PCDH9: variants seen among roughly 807,000 people sequenced by gnomAD.
PCDH9 encodes the protein protocadherin 9, also known as protocadherin-9.
In PCDH9, 24 loss-of-function variants were observed where a neutral mutation model predicts 70.6. The observed-to-expected ratio is 0.34, with a 90% CI of 0.25 to 0.48. The LOEUF (loss-of-function observed/expected upper bound fraction) is 0.48. PCDH9 is among the 20% of genes least tolerant of loss of function. The probability of loss-of-function intolerance (pLI) is 0.99; values close to 1 mark genes in which losing one functional copy is unlikely to be tolerated. For missense variants in PCDH9, 1,281 were observed against 1,503.6 expected, an observed-to-expected ratio of 0.85 and a Z score of 2.45; for synonymous variants, 562 against 558.5, an observed-to-expected ratio of 1.01 and a Z score of -0.09.
At chr13:66,858,051 A>T (rs1209309131) in intron 3 of PCDH9, among the ~76,000 whole-genome samples, 1 of 152,146 alleles carries the variant, frequency 6.6e-6, no homozygotes, top group Non-Finnish European at 1.5e-5. Flanking sequence ...CAAATTAGTT[A>T]ATGTGCCTTT....
intron 2 of PCDH9, chr13:67,213,206 CAAAAAAAAAAAAAAA>C (rs34813503): frequency 2.9e-4 from 6 of 20,540 alleles, no homozygotes; most frequent in East Asian, 1.4e-3. Context: ...GACTCCGTCA[CAAAAAAAAAAAAAAA>C]AAAAAAAAAA....
intron 4 of PCDH9, among the ~76,000 whole-genome samples, chr13:66,453,511 A>G (rs979190457): frequency 2.8e-5 from 4 of 141,874 alleles, no homozygotes; most frequent in African/African-American, 1.0e-4. Context: ...TTAAAGGCAG[A>G]CTTGTTCTTT....
At chr13:67,055,197 G>A (rs2085394835) in intron 2 of PCDH9, among the ~76,000 whole-genome samples, 1 of 152,120 alleles carries the variant, frequency 6.6e-6, no homozygotes, top group South Asian at 2.1e-4. Context: ...TATTTGCTAT[G>A]TGAGTTTTGA....
intron 2 of PCDH9, among the ~76,000 whole-genome samples, chr13:67,137,721 A>T (rs2087268652): frequency 6.6e-6 from 1 of 152,168 alleles, no homozygotes; most frequent in South Asian, 2.1e-4. Flanking sequence ...TACAGAAATA[A>T]AAGGAAATTC....
chr13:66,628,800 T>C (rs535350127), intron 4 of PCDH9, among the ~76,000 whole-genome samples: 1 of 152,358 alleles, frequency 6.6e-6, no homozygotes, highest in Non-Finnish European at 1.5e-5. Context: ...GCTGCTATGA[T>C]AGTGAAGGTA....
At chr13:66,605,000 T>C (rs1348117223) in intron 4 of PCDH9, among the ~76,000 whole-genome samples, 1 of 152,042 alleles carries the variant, frequency 6.6e-6, no homozygotes, top group Non-Finnish European at 1.5e-5. Flanking sequence ...TGGGAGAAAG[T>C]GAGACATCAG....
chr13:66,934,906 G>C lies in PCDH9; in HGVS notation c.3037-31301C>G, dbSNP rs1489128077. Among the ~76,000 whole-genome samples the C allele has an allele frequency of 4.0e-5, 6 of 149,380 alleles. No individual in the cohort carries two copies. In the East Asian group the frequency reaches 1.2e-3, roughly 30 times the overall value. ...CGGCTAATTTTTTGTATTTTTAGTA[G>C]AGACGGGGTTTCACCGTGTTAGCCA... On this transcript the variant is annotated intron_variant, in intron 2 of 4. Coordinates refer to ENST00000377865, the MANE Select transcript of PCDH9 (RefSeq NM_203487.3).
chr13:67,090,858 C>T lies in PCDH9; in HGVS notation c.3036+134547G>A, dbSNP rs1221425103. On this transcript the variant is annotated intron_variant, in intron 2 of 4. Transcript: ENST00000377865. ...TATTTTGTAGATGAAGAAACGGTGT[C>T]GCAGGTTACAGTTTAAATGACTTCA... 3.9e-5 allele frequency among the ~76,000 whole-genome samples: 6 copies of T among 151,982 alleles called. No homozygotes were observed. In the East Asian group the frequency reaches 7.7e-4, roughly 20 times the overall value.
At chr13:66,828,717 A>G (rs2139400717) in intron 3 of PCDH9, among the ~76,000 whole-genome samples, 1 of 152,246 alleles carries the variant, frequency 6.6e-6, no homozygotes, top group African/African-American at 2.4e-5. Flanking sequence ...ATAGAATAAC[A>G]AAAACATTTC....
intron 2 of PCDH9, among the ~76,000 whole-genome samples, chr13:67,047,742 A>T (rs2085250350): frequency 1.3e-5 from 2 of 152,196 alleles, no homozygotes; most frequent in African/African-American, 2.4e-5. Flanking sequence ...TTGTATTCTA[A>T]TATATGCTTA....
rs376953194 is a variant in PCDH9, at chr13:67,214,404, C to A, written c.3036+11001G>T. ...ACCAGCAGGTTTCAAATGATTCCAG[C>A]TGTGTTAAGTACTGACTGTGAAACA... On this transcript the variant is annotated intron_variant, in intron 2 of 4. Coordinates refer to ENST00000377865, the MANE Select transcript of PCDH9 (RefSeq NM_203487.3). The A allele has an allele frequency of 2.0e-5, 3 of 152,102 alleles. No homozygotes were observed. In the South Asian group the frequency reaches 6.2e-4, roughly 32 times the overall value. The allele number at this position is 152,102 out of a possible 1,614,324, so 9.4% of individuals were successfully genotyped here. A position where few individuals can be genotyped will look rare whatever the true frequency, so the allele number is the denominator to read the frequency against.
At chr13:66,452,067 G>A (rs1034934727) in intron 4 of PCDH9, among the ~76,000 whole-genome samples, 1 of 152,094 alleles carries the variant, frequency 6.6e-6, no homozygotes, top group Admixed American at 6.6e-5. Context: ...ATCCTATGAA[G>A]TATGTGAACA....
At chr13:66,986,590 G>A (rs2083896038) in intron 2 of PCDH9, among the ~76,000 whole-genome samples, 1 of 151,844 alleles carries the variant, frequency 6.6e-6, no homozygotes, top group East Asian at 1.9e-4. Flanking sequence ...GGAGAAGAAT[G>A]ACATAGATAT....
intron 4 of PCDH9, among the ~76,000 whole-genome samples, chr13:66,396,646 T>A (rs968350059): frequency 3.9e-5 from 6 of 152,270 alleles, no homozygotes; most frequent in Admixed American, 6.5e-5. Context: ...TCTGTTGCAG[T>A]GGGACATGGG....
chr13:66,750,609 C>T (rs1043269910), intron 3 of PCDH9, among the ~76,000 whole-genome samples: 2 of 151,834 alleles, frequency 1.3e-5, no homozygotes, highest in African/African-American at 4.8e-5. Context: ...ATCATAAAAG[C>T]ATAAATTAGA....
intron 3 of PCDH9, among the ~76,000 whole-genome samples, chr13:66,636,222 T>C (rs2077635159): frequency 6.6e-6 from 1 of 152,166 alleles, no homozygotes; most frequent in South Asian, 2.1e-4. Flanking sequence ...ATCTTTGTAA[T>C]AATAAAACAT....
rs1231351131 is a variant in PCDH9 at position 66,700,942 on chromosome 13, A to G, written c.3139-69531T>C. On this transcript the variant is annotated intron_variant, in intron 3 of 4. Transcript: ENST00000377865. ...CATATAAATATATATATATATATAT[A>G]TATATATATATATATATATATATAT... 4.1e-4 allele frequency among the ~76,000 whole-genome samples: 53 copies of G among 128,726 alleles called. 3 individuals are homozygous for G. Among genetic ancestry groups the G allele is most frequent in the Non-Finnish European group, 5.6e-4 (34 of 60,732 alleles). 84.4% of individuals were successfully genotyped at this position (128,726 alleles called of 152,430 possible).
At chr13:66,466,152 CTT>C (rs1305930821) in intron 4 of PCDH9, among the ~76,000 whole-genome samples, 4 of 151,778 alleles carry the variant, frequency 2.6e-5, no homozygotes, top group Non-Finnish European at 5.9e-5. Flanking sequence ...ATAAAATTGA[CTT>C]TTCTCTATCC....
chr13:66,900,484 A>G lies in PCDH9; in HGVS notation c.3138+3020T>C, dbSNP rs544449816. On this transcript the variant is annotated intron_variant, in intron 3 of 4. Coordinates refer to ENST00000377865, the MANE Select transcript of PCDH9 (RefSeq NM_203487.3). Reference sequence around the variant, plus strand: ...CAGTACATAAAATTGTAGCATGTTTATACTCTAGTGGTAGATGAGAAGAAT... The same window carrying G: ...CAGTACATAAAATTGTAGCATGTTTGTACTCTAGTGGTAGATGAGAAGAAT... 5.3e-5 allele frequency among the ~76,000 whole-genome samples: 8 copies of G among 152,042 alleles called. No individual in the cohort carries two copies. In the South Asian group the frequency reaches 1.7e-3, roughly 31 times the overall value.
Sources: allele counts gnomAD v4.1 joint callset (sites outside exome capture counted in the v4.1 genomes callset), GRCh38; gene constraint gnomAD v4.1.1; transcripts MANE v1.5; gene names NCBI Gene and HGNC (gene_info 2026-07-23, HGNC 2026-07-21).